TYW1: variants seen among roughly 807,000 people sequenced by gnomAD.
TYW1 encodes tRNA-yW synthesizing protein 1 homolog.
A neutral mutation model predicts 96.2 loss-of-function variants in TYW1; 46 were observed. The ratio of observed to expected loss-of-function variants is 0.48; its 90% confidence interval spans 0.38 to 0.61. The LOEUF (loss-of-function observed/expected upper bound fraction) is 0.61, where lower values mean the gene tolerates loss of function less well. Among genes scored for constraint, TYW1 ranks in the 20% least tolerant of loss-of-function variants. TYW1 has a pLI of 0.00. For synonymous variants in TYW1, 274 were observed against 323.0 expected (o/e 0.85, Z 1.63); for missense variants, 684 against 909.6 (o/e 0.75, Z 3.19).
chr7:67,124,177 A>G (rs1328242357), intron 13 of TYW1, among the ~76,000 whole-genome samples: 1 of 152,214 alleles, frequency 6.6e-6, no homozygotes, highest in Non-Finnish European at 1.5e-5. Flanking sequence ...TACGGTTTTT[A>G]TGCATGTTCA....
At chr7:67,152,284 G>A (rs926641042) in intron 13 of TYW1, among the ~76,000 whole-genome samples, 2 of 152,066 alleles carry the variant, frequency 1.3e-5, no homozygotes, top group Non-Finnish European at 2.9e-5. Flanking sequence ...TAGGATACTC[G>A]GAAACTGCTC....
intron 14 of TYW1, among the ~76,000 whole-genome samples, chr7:67,188,461 C>T (rs1800098552): frequency 6.6e-6 from 1 of 152,136 alleles, no homozygotes; most frequent in Admixed American, 6.5e-5. Flanking sequence ...GTTATGAAAA[C>T]CATACGTTTG....
At position 67,195,155 on chromosome 7, in the gene TYW1, A is replaced by G. The variant is rs372066905; in HGVS notation, c.1810-15A>G. 2.8e-5 allele frequency: 45 copies of G among 1,613,068 alleles called. No homozygotes were observed. The highest frequency in any genetic ancestry group is 5.3e-5 in the African/African-American group (4 of 74,798). On this transcript the variant is annotated splice_polypyrimidine_tract_variant and intron_variant, in intron 14 of 15. Transcript: ENST00000359626. Reference sequence around the variant, plus strand: ...AGGTCTGTAGTCATCTCTGATGGTTATACTGTTTCCACAGGGCGTTACCTA... The same window carrying G: ...AGGTCTGTAGTCATCTCTGATGGTTGTACTGTTTCCACAGGGCGTTACCTA...
chr7:67,122,880 A>T (rs1369668265), intron 13 of TYW1, among the ~76,000 whole-genome samples: 2 of 152,172 alleles, frequency 1.3e-5, no homozygotes, highest in African/African-American at 4.8e-5. Flanking sequence ...CAGCATGCAC[A>T]TTTTGTCACT....
intron 14 of TYW1, among the ~76,000 whole-genome samples, chr7:67,189,349 G>C (rs1237850348): frequency 6.6e-6 from 1 of 151,720 alleles, no homozygotes; most frequent in Non-Finnish European, 1.5e-5. Context: ...TGTGGTGTGT[G>C]CACTTGTGTG....
At chr7:67,086,244 A>G (rs1796545500) in intron 11 of TYW1, among the ~76,000 whole-genome samples, 1 of 152,222 alleles carries the variant, frequency 6.6e-6, no homozygotes, top group Non-Finnish European at 1.5e-5. Context: ...CTGTTGGTAA[A>G]GAACTAGTAA....
intron 3 of TYW1, among the ~76,000 whole-genome samples, chr7:67,009,033 A>G (rs1270850849): frequency 2.0e-5 from 3 of 152,096 alleles, no homozygotes; most frequent in Non-Finnish European, 4.4e-5. Context: ...TTTATGAGAC[A>G]GGATCTGAGT....
At chr7:67,207,921 A>G (rs1800866364) in intron 15 of TYW1, among the ~76,000 whole-genome samples, 1 of 151,964 alleles carries the variant, frequency 6.6e-6, no homozygotes, top group Admixed American at 6.6e-5. Flanking sequence ...GGGTTTTACC[A>G]TGTTTGGCAG....
At chr7:67,073,599 G>A (rs1482885317) in intron 10 of TYW1, among the ~76,000 whole-genome samples, 3 of 150,810 alleles carry the variant, frequency 2.0e-5, no homozygotes, top group Non-Finnish European at 4.4e-5. Context: ...GGGAAACCCC[G>A]TCTCTACTTA....
At chr7:67,152,889 C>T (rs1798848122) in intron 13 of TYW1, among the ~76,000 whole-genome samples, 1 of 152,028 alleles carries the variant, frequency 6.6e-6, no homozygotes, top group Non-Finnish European at 1.5e-5. Flanking sequence ...GCGTGAGCCA[C>T]CATGCCCTGC....
intron 13 of TYW1, among the ~76,000 whole-genome samples, chr7:67,122,631 T>C (rs578170807): frequency 1.4e-4 from 22 of 152,332 alleles, no homozygotes; most frequent in East Asian, 1.9e-4. Flanking sequence ...TATGTTACTT[T>C]TGTTTTTGTT....
At chr7:67,116,219 A>T (rs12537353) in intron 12 of TYW1, among the ~76,000 whole-genome samples, 6,069 of 151,860 alleles carry the variant, frequency 0.04, 179 homozygotes, top group Middle Eastern at 0.1. Context: ...CCAGCTACTT[A>T]GGAGACTGAG....
At chr7:67,150,244 G>A (rs1798754767) in intron 13 of TYW1, among the ~76,000 whole-genome samples, 1 of 152,092 alleles carries the variant, frequency 6.6e-6, no homozygotes, top group South Asian at 2.1e-4. Flanking sequence ...AGACTGCCTA[G>A]TTTTCTAGAA....
chr7:67,058,622 C>T (rs1351453426), intron 9 of TYW1, among the ~76,000 whole-genome samples: 2 of 152,048 alleles, frequency 1.3e-5, no homozygotes, highest in Admixed American at 6.6e-5. Flanking sequence ...TAGTGTGCCA[C>T]CATGCCTGGC....
chr7:67,050,846 C>T (rs1398746623), intron 8 of TYW1, among the ~76,000 whole-genome samples: 2 of 151,742 alleles, frequency 1.3e-5, no homozygotes, highest in African/African-American at 4.8e-5. Context: ...ATTTTGTTTG[C>T]TTACTAGCAA....
intron 15 of TYW1, among the ~76,000 whole-genome samples, chr7:67,203,977 G>T (rs895810382): frequency 6.6e-6 from 1 of 152,114 alleles, no homozygotes; most frequent in African/African-American, 2.4e-5. Context: ...TTTGTCATTT[G>T]ATTGTTTTTC....
chr7:67,156,882 G>A (rs1323272289), intron 13 of TYW1, among the ~76,000 whole-genome samples: 1 of 151,550 alleles, frequency 6.6e-6, no homozygotes, highest in East Asian at 1.9e-4. Flanking sequence ...CAGGCTTAGG[G>A]CTTGTGAGAG....
At chr7:67,210,721 AT>A in intron 15 of TYW1, among the ~76,000 whole-genome samples, 1 of 96,972 alleles carries the variant, frequency 1.0e-5, no homozygotes, top group African/African-American at 4.6e-5. Flanking sequence ...CATCATCTGT[AT>A]GTCCATCAGT....
intron 11 of TYW1, among the ~76,000 whole-genome samples, chr7:67,087,894 C>T (rs1037401491): frequency 6.6e-6 from 1 of 152,018 alleles, no homozygotes; most frequent in African/African-American, 2.4e-5. Context: ...GACAGGGTCT[C>T]ACTCTGTTGC....
Sources: allele counts gnomAD v4.1 joint callset (sites outside exome capture counted in the v4.1 genomes callset), GRCh38; gene constraint gnomAD v4.1.1; transcripts MANE v1.5; gene names NCBI Gene and HGNC (gene_info 2026-07-23, HGNC 2026-07-21).